RBM47: variants seen among roughly 807,000 people sequenced by gnomAD.
The protein encoded by RBM47 is RNA-binding protein 47.
RBM47 carries 21 observed loss-of-function variants against 47.1 expected under a neutral mutation model. That is an observed-to-expected ratio of 0.45 (90% CI 0.32 to 0.64). The LOEUF is 0.64. Ranked by LOEUF, RBM47 falls within the 30% of genes least tolerant of loss-of-function variation. The probability of loss-of-function intolerance (pLI) is 0.05; values close to 1 mark genes in which losing one functional copy is unlikely to be tolerated. For synonymous variants in RBM47, 375 were observed against 361.7 expected (o/e 1.04, Z -0.42); for missense variants, 708 against 870.9 (o/e 0.81, Z 2.35).
chr4:40,617,439 G>C (rs1736854591), intron 1 of RBM47, among the ~76,000 whole-genome samples: 1 of 151,822 alleles, frequency 6.6e-6, no homozygotes, highest in Non-Finnish European at 1.5e-5. Flanking sequence ...CGTGCCTGTA[G>C]TCTCAGCTAC....
At chr4:40,581,343 G>A (rs372791437) in intron 1 of RBM47, among the ~76,000 whole-genome samples, 1 of 151,806 alleles carries the variant, frequency 6.6e-6, no homozygotes, top group African/African-American at 2.4e-5. Flanking sequence ...GATCCCTTGA[G>A]TCCGGGAAGC....
At chr4:40,528,233 A>G (rs895512618) in intron 2 of RBM47, among the ~76,000 whole-genome samples, 1 of 152,138 alleles carries the variant, frequency 6.6e-6, no homozygotes, top group African/African-American at 2.4e-5. Context: ...CAAAATGGTG[A>G]AACACCATCT....
At chr4:40,534,739 C>T (rs2154260281) in intron 2 of RBM47, among the ~76,000 whole-genome samples, 1 of 152,170 alleles carries the variant, frequency 6.6e-6, no homozygotes, top group Middle Eastern at 3.4e-3. Context: ...TAAAGACCAT[C>T]CTGGCTAACA....
chr4:40,627,382 C>T (rs1285002512), intron 1 of RBM47, among the ~76,000 whole-genome samples: 1 of 152,182 alleles, frequency 6.6e-6, no homozygotes, highest in Non-Finnish European at 1.5e-5. Flanking sequence ...CACAGTTTCA[C>T]TTGAGCCTGG....
At chr4:40,481,260 CAT>C (rs1396159308) in intron 2 of RBM47, among the ~76,000 whole-genome samples, 1 of 149,968 alleles carries the variant, frequency 6.7e-6, no homozygotes, top group African/African-American at 2.4e-5. Flanking sequence ...AGACCTGGAT[CAT>C]ATGTTGTTTC....
intron 1 of RBM47, among the ~76,000 whole-genome samples, chr4:40,596,982 C>T (rs546773248): frequency 6.6e-6 from 1 of 152,194 alleles, no homozygotes; most frequent in East Asian, 1.9e-4. Context: ...ATTTATCGGC[C>T]GGGCGCGATG....
chr4:40,527,588 G>T (rs1051646608), intron 2 of RBM47, among the ~76,000 whole-genome samples: 1 of 150,502 alleles, frequency 6.6e-6, no homozygotes, highest in Non-Finnish European at 1.5e-5. Flanking sequence ...ACTGCGCCCG[G>T]ACTAACTTTT....
At chr4:40,539,739 CAAAAAAAAAAA>C (rs56005602) in intron 2 of RBM47, among the ~76,000 whole-genome samples, 19 of 56,330 alleles carry the variant, frequency 3.4e-4, no homozygotes, top group East Asian at 6.2e-4. Flanking sequence ...GACTCTGTCT[CAAAAAAAAAAA>C]AAAAAAAAAA....
intron 2 of RBM47, among the ~76,000 whole-genome samples, chr4:40,537,838 C>CT (rs75524976): frequency 0.013 from 1,818 of 143,938 alleles, 46 homozygotes; most frequent in African/African-American, 0.042. Flanking sequence ...TTTTTTCCTT[C>CT]TTTTTTTTTT....
intron 1 of RBM47, among the ~76,000 whole-genome samples, chr4:40,606,846 AC>A (rs1188764130): frequency 6.6e-6 from 1 of 152,096 alleles, no homozygotes; most frequent in African/African-American, 2.4e-5. Flanking sequence ...TCTACTAAAA[AC>A]AAAAACAAAA....
At chr4:40,528,427 C>G (rs1299936139) in intron 2 of RBM47, among the ~76,000 whole-genome samples, 1 of 150,282 alleles carries the variant, frequency 6.7e-6, no homozygotes, top group East Asian at 2.0e-4. Context: ...AACAAAAAAC[C>G]CTTTTGGTCT....
chr4:40,579,001 C>G (rs1178011710), intron 1 of RBM47, among the ~76,000 whole-genome samples: 2 of 152,054 alleles, frequency 1.3e-5, no homozygotes, highest in Non-Finnish European at 2.9e-5. Context: ...CACTTGTACT[C>G]CCAGCTACTC....
At chr4:40,586,046 T>C (rs1733545823) in intron 1 of RBM47, among the ~76,000 whole-genome samples, 1 of 152,202 alleles carries the variant, frequency 6.6e-6, no homozygotes, top group African/African-American at 2.4e-5. Context: ...TGTTACTAAA[T>C]GCCCAGCACT....
rs139638699 is a variant in RBM47, at chr4:40,429,744, C to T, written c.1542+2907G>A. Among the ~76,000 whole-genome samples, 12 of 149,398 alleles carry T rather than the reference C, an allele frequency of 8.0e-5. 1 individual carries two copies. The East Asian group carries it at 2.3e-3, about 29-fold the overall frequency. ...TGCCTCTAATTCAGGTGAAGAGTCC[C>T]TGCAGTCTTCCCTCCTGTCAAGGAG... is the stretch of plus-strand genomic sequence containing the variant. On this transcript the variant is annotated intron_variant, in intron 6 of 6. Transcript: ENST00000295971.
intron 1 of RBM47, among the ~76,000 whole-genome samples, chr4:40,568,987 A>G (rs1731389831): frequency 1.6e-5 from 1 of 62,292 alleles, no homozygotes; most frequent in Admixed American, 2.1e-4. Context: ...GTCTCAAAAG[A>G]TAGATAGATA....
Position 40,628,662 on chromosome 4 carries a change from T to TA in RBM47, c.-240+733dup, listed in dbSNP as rs1553911129. On this transcript the variant is annotated intron_variant, in intron 1 of 6. Transcript: ENST00000295971. The surrounding 1 kb of genome is among the most constrained non-coding windows in gnomAD (Gnocchi z 4.0). ...AGTGAGTCATTAAAATACCACCAGA[T>TA]AAAAAAAAAAGGTTTGATTTTTAGT... 1.4e-4 allele frequency among the ~76,000 whole-genome samples: 15 copies of TA among 106,602 alleles called. No individual in the cohort carries two copies. Among genetic ancestry groups the TA allele is most frequent in the Admixed American group, 2.6e-4 (3 of 11,712 alleles). The allele number at this position is 106,602 out of a possible 152,430, so 69.9% of individuals were successfully genotyped here. A position where few individuals can be genotyped will look rare whatever the true frequency, so the allele number is the denominator to read the frequency against.
chr4:40,459,582 T>C (rs897319542), intron 3 of RBM47, among the ~76,000 whole-genome samples: 1 of 151,950 alleles, frequency 6.6e-6, no homozygotes, highest in Non-Finnish European at 1.5e-5. Flanking sequence ...AAATTAATAA[T>C]AAAAATAATT....
intron 2 of RBM47, among the ~76,000 whole-genome samples, chr4:40,497,626 A>C (rs1209695418): frequency 1.3e-5 from 2 of 151,730 alleles, no homozygotes; most frequent in Non-Finnish European, 2.9e-5. Context: ...AATTTTAAAT[A>C]AATAAATAAA....
intron 2 of RBM47, among the ~76,000 whole-genome samples, chr4:40,523,377 G>A (rs1023871603): frequency 2.1e-4 from 32 of 152,152 alleles, no homozygotes; most frequent in African/African-American, 7.2e-4. Context: ...TAGGCCGGGC[G>A]TGGTGGCTCA....
Sources: allele counts gnomAD v4.1 joint callset (sites outside exome capture counted in the v4.1 genomes callset), GRCh38; gene constraint gnomAD v4.1.1; non-coding constraint Gnocchi (gnomAD v3.1); transcripts MANE v1.5; gene names NCBI Gene and HGNC (gene_info 2026-07-23, HGNC 2026-07-21).